Variants in ACVR1C observed in about 807,000 individuals in gnomAD.
ACVR1C encodes activin A receptor type 1C, also known as activin receptor type-1C.
In ACVR1C, 23 loss-of-function variants were observed where a neutral mutation model predicts 57.9. That is an observed-to-expected ratio of 0.40 (90% CI 0.29 to 0.56). The LOEUF is 0.56. ACVR1C is among the 20% of genes least tolerant of loss of function. The probability of loss-of-function intolerance (pLI) is 0.50; values close to 1 mark genes in which losing one functional copy is unlikely to be tolerated. For synonymous variants in ACVR1C, 214 were observed against 215.3 expected (o/e 0.99, Z 0.05); for missense variants, 480 against 607.9 (o/e 0.79, Z 2.21).
intron 2 of ACVR1C, among the ~76,000 whole-genome samples, chr2:157,566,595 G>T (rs1421383378): frequency 1.3e-5 from 2 of 152,116 alleles, no homozygotes; most frequent in Admixed American, 6.5e-5. Flanking sequence ...AAAGAAAGGG[G>T]TGATGGACGC....
intron 2 of ACVR1C, among the ~76,000 whole-genome samples, chr2:157,565,376 C>T (rs1263967576): frequency 1.3e-5 from 2 of 152,256 alleles, no homozygotes; most frequent in South Asian, 2.1e-4. Flanking sequence ...TGACTCCCTT[C>T]CCTTACAATG....
intron 1 of ACVR1C, among the ~76,000 whole-genome samples, chr2:157,613,961 A>C (rs1182371535): frequency 6.6e-6 from 1 of 152,168 alleles, no homozygotes; most frequent in East Asian, 1.9e-4. Flanking sequence ...TTTTGATAGA[A>C]TTCACCAGTG....
intron 1 of ACVR1C, among the ~76,000 whole-genome samples, chr2:157,589,391 T>C (rs1414105646): frequency 6.6e-6 from 1 of 151,998 alleles, no homozygotes; most frequent in Non-Finnish European, 1.5e-5. Flanking sequence ...TATTTGCTTT[T>C]CTCTTGCTGA....
At chr2:157,543,011 T>G in intron 5 of ACVR1C, 149 bp from the exon 6 acceptor site, 1 of 737,870 alleles carries the variant, frequency 1.4e-6, no homozygotes, top group Non-Finnish European at 2.2e-6. Flanking sequence ...TGTTTATTTA[T>G]GTACATGCTG....
chr2:157,557,182 G>A (rs553308864), intron 2 of ACVR1C, among the ~76,000 whole-genome samples: 2 of 151,974 alleles, frequency 1.3e-5, no homozygotes, highest in Admixed American at 6.6e-5. Context: ...AAAAAGCAGG[G>A]AAGAAAGAAG....
chr2:157,556,463 T>G, intron 2 of ACVR1C, 131 bp from the exon 3 acceptor site: 2 of 1,197,828 alleles, frequency 1.7e-6, no homozygotes, highest in Non-Finnish European at 2.3e-6. Flanking sequence ...TGTTCATTGG[T>G]AAAGGCTCTC....
In ACVR1C at chr2:157,585,625, C is replaced by T. The variant is rs1688901519; in HGVS notation, c.304+1562G>A. 2.0e-5 allele frequency among the ~76,000 whole-genome samples: 3 copies of T among 152,230 alleles called. No individual in the cohort carries two copies. The South Asian group carries it at 6.2e-4, about 32-fold the overall frequency. On this transcript the variant is annotated intron_variant, in intron 2 of 8. Coordinates refer to ENST00000243349, the MANE Select transcript of ACVR1C (RefSeq NM_145259.3). Reference sequence around the variant, plus strand: ...GTCACTGCCACAGCTAAAGAGGAGACTCTCCTTTTTACCCCTAAAATCCTT... The same window carrying T: ...GTCACTGCCACAGCTAAAGAGGAGATTCTCCTTTTTACCCCTAAAATCCTT...
At chr2:157,610,123 T>C (rs1158910535) in intron 1 of ACVR1C, among the ~76,000 whole-genome samples, 1 of 152,124 alleles carries the variant, frequency 6.6e-6, no homozygotes, top group Non-Finnish European at 1.5e-5. Flanking sequence ...TATGTGTGTG[T>C]TTGTCATGTC....
In ACVR1C at chr2:157,532,379, T is replaced by G. The variant is rs1166190563; in HGVS notation, c.*1539A>C. ...CATTTCTTTACTGTTATTAGTTTTT[T>G]TTTTTTTTTTTACTGTTATCAATAG... is the stretch of plus-strand genomic sequence containing the variant. On this transcript the variant is annotated 3_prime_UTR_variant, in exon 9 of 9. Coordinates refer to ENST00000243349, the MANE Select transcript of ACVR1C (RefSeq NM_145259.3). 1 of 151,858 alleles carries G rather than the reference T, an allele frequency of 6.6e-6. No individual in the cohort carries two copies. Among genetic ancestry groups the G allele is most frequent in the Admixed American group, 6.6e-5 (1 of 15,232 alleles). The allele number at this position is 151,858 out of a possible 1,614,324, so 9.4% of individuals were successfully genotyped here.
At position 157,623,869 on chromosome 2, in the gene ACVR1C, T is replaced by C. The variant is rs189340315; in HGVS notation, c.73+4703A>G. Reference sequence around the variant, plus strand: ...CTCATGTACCCCATACATATATATATATCTACTATGCACCCACAAAAATTT... The same window carrying C: ...CTCATGTACCCCATACATATATATACATCTACTATGCACCCACAAAAATTT... On this transcript the variant is annotated intron_variant, in intron 1 of 8. Coordinates refer to ENST00000243349, the MANE Select transcript of ACVR1C (RefSeq NM_145259.3). Among the ~76,000 whole-genome samples, 1,086 of 152,252 alleles carry C rather than the reference T, an allele frequency of 7.1e-3. 7 individuals carry two copies. The highest frequency in any genetic ancestry group is 0.011 in the Non-Finnish European group (776 of 67,994).
At chr2:157,566,603 C>CG (rs1688389641) in intron 2 of ACVR1C, among the ~76,000 whole-genome samples, 1 of 151,934 alleles carries the variant, frequency 6.6e-6, no homozygotes, top group Non-Finnish European at 1.5e-5. Context: ...GGGTGATGGA[C>CG]GCACCTGGAA....
chr2:157,576,753 T>G, intron 2 of ACVR1C, among the ~76,000 whole-genome samples: 1 of 152,168 alleles, frequency 6.6e-6, no homozygotes, highest in East Asian at 1.9e-4. Flanking sequence ...TGTCTACACT[T>G]TGGAAGAGTT....
chr2:157,614,394 A>T (rs1281316991), intron 1 of ACVR1C, among the ~76,000 whole-genome samples: 5 of 152,162 alleles, frequency 3.3e-5, no homozygotes, highest in Admixed American at 3.3e-4. Context: ...TTAAAAATGT[A>T]TTAGGTTTGT....
At chr2:157,610,902 A>C (rs1325950210) in intron 1 of ACVR1C, among the ~76,000 whole-genome samples, 2 of 152,030 alleles carry the variant, frequency 1.3e-5, no homozygotes, top group African/African-American at 4.8e-5. Context: ...TATCTTTGGT[A>C]AATTTCTCAT....
At chr2:157,619,933 A>T (rs1682731675) in intron 1 of ACVR1C, among the ~76,000 whole-genome samples, 1 of 152,030 alleles carries the variant, frequency 6.6e-6, no homozygotes, top group Admixed American at 6.6e-5. Flanking sequence ...CAAATATTAA[A>T]AGGATAATAA....
rs34742924 is a variant in ACVR1C at position 157,550,291 on chromosome 2, C to G, written c.646G>C (p.Gly216Arg). 1.5e-5 allele frequency: 24 copies of G among 1,614,006 alleles called. No homozygotes were observed. Among genetic ancestry groups the G allele is most frequent in the Non-Finnish European group, 1.9e-5 (23 of 1,180,030 alleles). Residue 216 changes from glycine to arginine, a missense_variant, in exon 4 of 9, where the codon GGG (glycine) becomes CGG (arginine). Physicochemically the swap from Gly to Arg is moderately radical, Grantham distance 125. Transcript: ENST00000243349. Reference sequence around the variant, plus strand: ...AATATTTTCACAGCCACATCTTCCCCACACCATCTTCCATGCCACACCTCA... The same window carrying G: ...AATATTTTCACAGCCACATCTTCCCGACACCATCTTCCATGCCACACCTCA... ...FGEVWHGRWC[G>R]EDVAVKIFSS...
chr2:157,560,608 G>A (rs574206550), intron 2 of ACVR1C, among the ~76,000 whole-genome samples: 1 of 152,184 alleles, frequency 6.6e-6, no homozygotes, highest in Non-Finnish European at 1.5e-5. Flanking sequence ...GAACTCAGCT[G>A]CATCAACCAA....
At position 157,577,770 on chromosome 2, in the gene ACVR1C, T is replaced by C. The variant is rs1688698808; in HGVS notation, c.304+9417A>G. 2.6e-5 allele frequency among the ~76,000 whole-genome samples: 4 copies of C among 152,328 alleles called. No homozygotes were observed. In the South Asian group the frequency reaches 8.3e-4, roughly 32 times the overall value. On this transcript the variant is annotated intron_variant, in intron 2 of 8. Coordinates refer to ENST00000243349, the MANE Select transcript of ACVR1C (RefSeq NM_145259.3). ...TAAATTATTTACATTTAATTATTACTGATATATTTGGGTGCTTTCTCTTTG... is the reference window on the plus strand; with the variant it reads ...TAAATTATTTACATTTAATTATTACCGATATATTTGGGTGCTTTCTCTTTG...
chr2:157,557,846 A>AT (rs1351812434), intron 2 of ACVR1C, among the ~76,000 whole-genome samples: 1 of 152,172 alleles, frequency 6.6e-6, no homozygotes, highest in African/African-American at 2.4e-5. Context: ...TCTTTTTTTA[A>AT]TTTAGAAAAA....
Sources: gnomAD v4.1 joint callset for allele counts (sites outside exome capture counted in the v4.1 genomes callset) on GRCh38, gnomAD v4.1.1 for gene constraint, MANE v1.5 for transcripts, NCBI Gene and HGNC (gene_info 2026-07-23, HGNC 2026-07-21) for gene names.